The following SNX7 variants were observed in gnomAD, a reference collection of about 807,000 sequenced individuals.
The protein encoded by SNX7 is sorting nexin-7.
In SNX7, 35 loss-of-function variants were observed where a neutral mutation model predicts 48.4. The observed-to-expected ratio is 0.72, with a 90% confidence interval of 0.55 to 0.96. The LOEUF (loss-of-function observed/expected upper bound fraction) is 0.96, where lower values mean the gene tolerates loss of function less well. SNX7 is among the 40% of genes least tolerant of loss of function. SNX7 has a pLI of 0.00. For synonymous variants in SNX7, 190 were observed against 190.2 expected, an observed-to-expected ratio of 1.00 and a Z score of 0.01; for missense variants, 553 against 548.9, an observed-to-expected ratio of 1.01 and a Z score of -0.07.
At chr1:98,700,686 AT>A (rs1263811194) in intron 6 of SNX7, among the ~76,000 whole-genome samples, 1 of 152,000 alleles carries the variant, frequency 6.6e-6, no homozygotes, top group Non-Finnish European at 1.5e-5. Context: ...CTGAGATGTG[AT>A]ATAGGTGTGA....
chr1:98,714,411 G>A (rs917974842), intron 7 of SNX7, among the ~76,000 whole-genome samples: 1 of 111,458 alleles, frequency 9.0e-6, no homozygotes, highest in Admixed American at 8.6e-5. Flanking sequence ...TCCTTAAGAA[G>A]ACTGAAAAAG....
rs765103117 is a variant in SNX7, at chr1:98,695,664, G to C, written c.786G>C (p.Gln262His). 1.9e-6 allele frequency: 3 copies of C among 1,606,198 alleles called. No homozygotes were observed. The South Asian group carries it at 3.3e-5, about 18-fold the overall frequency. Residue 262 changes from glutamine to histidine, a missense_variant, in exon 5 of 9, where the codon CAG (glutamine) becomes CAC (histidine). Physicochemically the swap from Gln to His is conservative, Grantham distance 24 (BLOSUM62 0). Transcript: ENST00000306121. ...ATAACTTTATTGAACTATTTAGCCA[G>C]AAAATAAATTTGATAGATAAAATAT... Reference protein sequence around the residue: ...EMNNFIELFSQKINLIDKISQ... With the variant: ...EMNNFIELFSHKINLIDKISQ...
At chr1:98,662,610 G>A (rs1649308972) in intron 1 of SNX7, 2 of 1,136,276 alleles carry the variant, frequency 1.8e-6, no homozygotes, top group Admixed American at 3.0e-5. Flanking sequence ...TTGACTTGTG[G>A]GGGCTAGTGG....
At chr1:98,682,295 G>A (rs1258676106) in intron 1 of SNX7, among the ~76,000 whole-genome samples, 1 of 151,776 alleles carries the variant, frequency 6.6e-6, no homozygotes, top group Non-Finnish European at 1.5e-5. Flanking sequence ...GTGTATATGG[G>A]CTGTTCTCTA....
intron 4 of SNX7, among the ~76,000 whole-genome samples, chr1:98,693,162 G>A (rs560323331): frequency 1.6e-5 from 2 of 126,666 alleles, no homozygotes; most frequent in Middle Eastern, 3.9e-3. Flanking sequence ...ATGGGTAGAT[G>A]GATGAATGGA....
intron 1 of SNX7, among the ~76,000 whole-genome samples, chr1:98,671,936 GA>G (rs1649891110): frequency 6.6e-6 from 1 of 151,768 alleles, no homozygotes; most frequent in African/African-American, 2.4e-5. Context: ...GAAATATTAA[GA>G]AAAAAAGTCT....
At chr1:98,755,897 G>A (rs2101060923) in intron 8 of SNX7, among the ~76,000 whole-genome samples, 1 of 152,054 alleles carries the variant, frequency 6.6e-6, no homozygotes, top group East Asian at 1.9e-4. Flanking sequence ...TTTTAATGGT[G>A]TGTTTAGCAT....
At chr1:98,743,091 GTCTA>G (rs10577833) in intron 8 of SNX7, among the ~76,000 whole-genome samples, 39,733 of 151,100 alleles carry the variant, frequency 0.26, 5,468 homozygotes, top group Middle Eastern at 0.31. Flanking sequence ...AAATAAGCAG[GTCTA>G]TCTATGATTA....
intron 1 of SNX7, among the ~76,000 whole-genome samples, chr1:98,675,010 AAAT>A (rs1432620725): frequency 6.6e-6 from 1 of 152,218 alleles, no homozygotes; most frequent in East Asian, 1.9e-4. Flanking sequence ...TTGAAGGAAA[AAAT>A]AAAAAGATAT....
chr1:98,710,624 A>G (rs1342125156), intron 7 of SNX7, among the ~76,000 whole-genome samples: 2 of 152,230 alleles, frequency 1.3e-5, no homozygotes, highest in African/African-American at 2.4e-5. Flanking sequence ...TAGCTTTCAT[A>G]TATAGAAACT....
At chr1:98,720,353 C>A (rs1251115542) in intron 7 of SNX7, among the ~76,000 whole-genome samples, 2 of 151,952 alleles carry the variant, frequency 1.3e-5, no homozygotes, top group Non-Finnish European at 2.9e-5. Flanking sequence ...TCTAAAACTA[C>A]CATTAATTGA....
At chr1:98,757,968 A>G (rs775258429) in intron 8 of SNX7, among the ~76,000 whole-genome samples, 7 of 152,032 alleles carry the variant, frequency 4.6e-5, no homozygotes, top group Non-Finnish European at 1.0e-4. Context: ...TGTGACTTAG[A>G]TCCTATTACT....
chr1:98,662,475 G>A, intron 1 of SNX7: 2 of 334,798 alleles, frequency 6.0e-6, no homozygotes, highest in Non-Finnish European at 1.2e-5. Context: ...CCGCTGAGGA[G>A]CTAAGGATTT....
At chr1:98,715,056 T>G (rs1008692216) in intron 7 of SNX7, among the ~76,000 whole-genome samples, 1 of 152,160 alleles carries the variant, frequency 6.6e-6, no homozygotes, top group African/African-American at 2.4e-5. Flanking sequence ...CCTATATAAC[T>G]ATAGTACAAC....
At chr1:98,662,733 C>G in intron 1 of SNX7, 1 of 1,289,322 alleles carries the variant, frequency 7.8e-7, no homozygotes, top group Non-Finnish European at 1.0e-6. Flanking sequence ...CAAGTTGCTG[C>G]TGAGAGAAGA....
chr1:98,746,384 T>G (rs1215669032), intron 8 of SNX7, among the ~76,000 whole-genome samples: 1 of 152,052 alleles, frequency 6.6e-6, no homozygotes, highest in Non-Finnish European at 1.5e-5. Context: ...CCCATTTAGG[T>G]TATACTGTTT....
intron 2 of SNX7, among the ~76,000 whole-genome samples, chr1:98,687,727 A>C (rs898829459): frequency 6.6e-6 from 1 of 152,168 alleles, no homozygotes; most frequent in African/African-American, 2.4e-5. Flanking sequence ...CATACCCAGT[A>C]CTGGGTAATT....
intron 7 of SNX7, among the ~76,000 whole-genome samples, chr1:98,725,490 A>G (rs1027632078): frequency 2.0e-5 from 3 of 152,190 alleles, no homozygotes; most frequent in Non-Finnish European, 4.4e-5. Flanking sequence ...CTTGGCATGA[A>G]GTAAGTGCTG....
chr1:98,693,622 G>A (rs941526596), intron 4 of SNX7, among the ~76,000 whole-genome samples: 1 of 152,190 alleles, frequency 6.6e-6, no homozygotes, highest in Admixed American at 6.5e-5. Context: ...ATCAAATGAG[G>A]CTGTAGCACT....
Sources: allele counts gnomAD v4.1 joint callset (sites outside exome capture counted in the v4.1 genomes callset), GRCh38; gene constraint gnomAD v4.1.1; transcripts MANE v1.5; gene names NCBI Gene and HGNC (gene_info 2026-07-23, HGNC 2026-07-21).